CENPW: variants seen among roughly 807,000 people sequenced by gnomAD.
CENPW encodes cancer-up-regulated gene 2 protein.
CENPW carries 3 observed loss-of-function variants against 11.1 expected under a neutral mutation model. The ratio of observed to expected loss-of-function variants is 0.27; its 90% confidence interval spans 0.12 to 0.70. The LOEUF (loss-of-function observed/expected upper bound fraction) is 0.70, where lower values mean the gene tolerates loss of function less well. Ranked by LOEUF, CENPW falls within the 30% of genes least tolerant of loss-of-function variation. The probability of loss-of-function intolerance (pLI) is 0.77; values close to 1 mark genes in which losing one functional copy is unlikely to be tolerated. For missense variants in CENPW, 100 were observed against 105.6 expected, an observed-to-expected ratio of 0.95 and a Z score of 0.23; for synonymous variants, 38 against 42.0, an observed-to-expected ratio of 0.91 and a Z score of 0.37.
the CENPW span, among the ~76,000 whole-genome samples, chr6:126,432,977 G>T: frequency 6.6e-6 from 1 of 152,290 alleles, no homozygotes; most frequent in South Asian, 2.1e-4. Flanking sequence ...AGGGGAAGGA[G>T]TGGCAAGAGA....
chr6:126,479,146 A>T, the CENPW span, among the ~76,000 whole-genome samples: 1 of 152,036 alleles, frequency 6.6e-6, no homozygotes, highest in East Asian at 1.9e-4. Context: ...AGGGAACTAT[A>T]GTCTGTTCTT....
the CENPW span, among the ~76,000 whole-genome samples, chr6:126,455,659 C>A: frequency 6.6e-6 from 1 of 151,338 alleles, no homozygotes; most frequent in African/African-American, 2.4e-5. Flanking sequence ...AAAATCAGCA[C>A]AAGATAAGGA....
chr6:126,470,434 C>G, the CENPW span, among the ~76,000 whole-genome samples: 1 of 152,198 alleles, frequency 6.6e-6, no homozygotes, highest in African/African-American at 2.4e-5. Flanking sequence ...ATGGAAATGC[C>G]TAGATGTCCA....
the CENPW span, among the ~76,000 whole-genome samples, chr6:126,464,905 T>C: frequency 1.3e-5 from 2 of 152,132 alleles, no homozygotes; most frequent in Non-Finnish European, 2.9e-5. Flanking sequence ...CTACAGCTAA[T>C]ATTATAATAG....
chr6:126,415,468 A>G, the CENPW span, among the ~76,000 whole-genome samples: 1 of 152,160 alleles, frequency 6.6e-6, no homozygotes, highest in Non-Finnish European at 1.5e-5. Flanking sequence ...ACAGTTTTTT[A>G]GAGGAGAAGA....
chr6:126,345,581 G>A (rs1780392634), intron 1 of CENPW, among the ~76,000 whole-genome samples: 1 of 151,694 alleles, frequency 6.6e-6, no homozygotes, highest in African/African-American at 2.4e-5. Flanking sequence ...AAATTTTTCA[G>A]TCTGCTTATA....
the CENPW span, among the ~76,000 whole-genome samples, chr6:126,365,753 T>C: frequency 3.0e-4 from 46 of 152,352 alleles, no homozygotes; most frequent in African/African-American, 1.1e-3. Flanking sequence ...TGTTTAGCGA[T>C]TTTTCTGTAA....
At chr6:126,420,282 T>C in the CENPW span, among the ~76,000 whole-genome samples, 1 of 151,874 alleles carries the variant, frequency 6.6e-6, no homozygotes. Flanking sequence ...GTGGTACAAG[T>C]AGGAATGGGA....
chr6:126,369,592 T>C, the CENPW span, among the ~76,000 whole-genome samples: 6 of 152,236 alleles, frequency 3.9e-5, no homozygotes, highest in Non-Finnish European at 7.3e-5. Flanking sequence ...GAACTATCTA[T>C]TCATGTCCTT....
chr6:126,345,641 G>T (rs1054604762), intron 1 of CENPW, among the ~76,000 whole-genome samples: 3 of 150,064 alleles, frequency 2.0e-5, no homozygotes, highest in African/African-American at 7.3e-5. Flanking sequence ...ATTATTAATA[G>T]TAAGTATGGT....
At chr6:126,392,744 GC>G in the CENPW span, among the ~76,000 whole-genome samples, 1 of 151,860 alleles carries the variant, frequency 6.6e-6, no homozygotes, top group Admixed American at 6.6e-5. Flanking sequence ...AGGGATATTA[GC>G]TTCTAGTATT....
At chr6:126,406,103 C>T in the CENPW span, among the ~76,000 whole-genome samples, 3 of 152,082 alleles carry the variant, frequency 2.0e-5, no homozygotes, top group Admixed American at 6.6e-5. Flanking sequence ...TCATATACGT[C>T]CTTAATTGCA....
chr6:126,380,943 TC>T, the CENPW span, among the ~76,000 whole-genome samples: 2 of 152,212 alleles, frequency 1.3e-5, no homozygotes, highest in African/African-American at 4.8e-5. Context: ...GTTTGTACTT[TC>T]TTGTTAAATC....
chr6:126,386,400 C>T, the CENPW span, among the ~76,000 whole-genome samples: 36 of 152,178 alleles, frequency 2.4e-4, no homozygotes, highest in African/African-American at 7.9e-4. Context: ...CTAGCAGTGA[C>T]TGATCTATAA....
At chr6:126,430,782 A>G in the CENPW span, among the ~76,000 whole-genome samples, 1 of 152,034 alleles carries the variant, frequency 6.6e-6, no homozygotes, top group South Asian at 2.1e-4. Context: ...AAACCCCATC[A>G]CTACTTAAAA....
chr6:126,409,540 G>A, the CENPW span, among the ~76,000 whole-genome samples: 1 of 151,990 alleles, frequency 6.6e-6, no homozygotes, highest in African/African-American at 2.4e-5. Flanking sequence ...CTAATGGAGA[G>A]TATCTCTTCC....
the CENPW span, among the ~76,000 whole-genome samples, chr6:126,477,170 C>T: frequency 1.1e-4 from 16 of 151,944 alleles, 1 homozygote; most frequent in South Asian, 2.9e-3. Context: ...TGCTAACATC[C>T]TCTGTCTCCA....
the CENPW span, among the ~76,000 whole-genome samples, chr6:126,388,775 A>G: frequency 6.6e-6 from 1 of 151,934 alleles, no homozygotes; most frequent in Non-Finnish European, 1.5e-5. Flanking sequence ...AATACATGCT[A>G]ATAATTATTT....
At chr6:126,471,506 T>G in the CENPW span, among the ~76,000 whole-genome samples, 1 of 152,088 alleles carries the variant, frequency 6.6e-6, no homozygotes, top group Non-Finnish European at 1.5e-5. Context: ...AATATATGTA[T>G]CAAAATGTAC....
Sources: gnomAD v4.1 joint callset for allele counts (sites outside exome capture counted in the v4.1 genomes callset) on GRCh38, gnomAD v4.1.1 for gene constraint, MANE v1.5 for transcripts, NCBI Gene and HGNC (gene_info 2026-07-23, HGNC 2026-07-21) for gene names.